Variants in SGCE observed in about 807,000 individuals in gnomAD.
SGCE encodes sarcoglycan epsilon.
Under a neutral mutation model 57.8 loss-of-function variants are expected in SGCE, and 26 were observed. The observed-to-expected ratio is 0.45, with a 90% CI of 0.33 to 0.62. The LOEUF (loss-of-function observed/expected upper bound fraction) is 0.62. Among genes scored for constraint, SGCE ranks in the 20% least tolerant of loss-of-function variants. The pLI is 0.02. For synonymous variants in SGCE, 183 were observed against 189.5 expected (o/e 0.97, Z 0.28); for missense variants, 468 against 548.6 (o/e 0.85, Z 1.47).
chr7:94,596,170 T>C (rs535548908), intron 9 of SGCE, among the ~76,000 whole-genome samples: 1 of 152,232 alleles, frequency 6.6e-6, no homozygotes, highest in East Asian at 1.9e-4. Flanking sequence ...AATGACAGTC[T>C]TGATGGGGTT....
chr7:94,635,704 G>C (rs1449171665), intron 1 of SGCE, among the ~76,000 whole-genome samples: 1 of 152,126 alleles, frequency 6.6e-6, no homozygotes, highest in Non-Finnish European at 1.5e-5. Context: ...ATTAAGCCAG[G>C]TAATTGCTGT....
chr7:94,631,325 A>G (rs1328946897), intron 1 of SGCE, among the ~76,000 whole-genome samples: 3 of 151,674 alleles, frequency 2.0e-5, no homozygotes, highest in Non-Finnish European at 4.4e-5. Flanking sequence ...GTTTGATACC[A>G]CAATGTACCC....
intron 5 of SGCE, among the ~76,000 whole-genome samples, chr7:94,615,805 G>T (rs957489904): frequency 1.3e-5 from 2 of 152,186 alleles, no homozygotes; most frequent in African/African-American, 4.8e-5. Context: ...GTGGTTGGCA[G>T]CCATGACATG....
At chr7:94,650,735 T>G (rs1008991443) in intron 1 of SGCE, among the ~76,000 whole-genome samples, 3 of 152,220 alleles carry the variant, frequency 2.0e-5, no homozygotes, top group African/African-American at 7.2e-5. Flanking sequence ...AAGTTGATTG[T>G]TTTGTTGAGC....
At chr7:94,652,907 A>T (rs1469565213) in intron 1 of SGCE, among the ~76,000 whole-genome samples, 1 of 152,196 alleles carries the variant, frequency 6.6e-6, no homozygotes, top group East Asian at 1.9e-4. Context: ...AGGTGTCCAA[A>T]TAGAAAGTCC....
intron 9 of SGCE, among the ~76,000 whole-genome samples, chr7:94,595,908 GTAATT>G (rs989483561): frequency 3.9e-5 from 6 of 152,206 alleles, no homozygotes; most frequent in Admixed American, 3.3e-4. Context: ...GACACCGAAT[GTAATT>G]TAATTTTCCT....
Position 94,585,346 on chromosome 7 carries a change from A to C in SGCE, c.*153T>G. ...ACAAAAAAATACATTAGTAAAATGA[A>C]AGTTATGTTGTATTATTTGGTATAC... On this transcript the variant is annotated 3_prime_UTR_variant, in exon 11 of 11. Coordinates refer to ENST00000648936, the MANE Select transcript of SGCE (RefSeq NM_003919.3). The C allele has an allele frequency of 1.7e-6, 1 of 600,320 alleles. No homozygotes were observed. Among genetic ancestry groups the C allele is most frequent in the Non-Finnish European group, 2.9e-6 (1 of 341,116 alleles). The allele number at this position is 600,320 out of a possible 1,614,324, so 37.2% of individuals were successfully genotyped here. A position where few individuals can be genotyped will look rare whatever the true frequency, so the allele number is the denominator to read the frequency against.
intron 8 of SGCE, 79 bp downstream of exon 8, chr7:94,599,616 GAC>G (rs1320664588): frequency 2.6e-5 from 27 of 1,051,446 alleles, no homozygotes; most frequent in South Asian, 4.0e-5. Flanking sequence ...AAAAAAGCTT[GAC>G]ACACATGTAT....
chr7:94,588,089 A>G, intron 10 of SGCE: 1 of 1,229,588 alleles, frequency 8.1e-7, no homozygotes, highest in Non-Finnish European at 1.0e-6. Flanking sequence ...TACTCAGTAT[A>G]GAGATGAATG....
chr7:94,600,430 A>G, intron 7 of SGCE: 1 of 517,362 alleles, frequency 1.9e-6, no homozygotes, highest in Admixed American at 3.4e-5. Context: ...AGCCTTAATA[A>G]TTTTTGAATA....
At chr7:94,655,133 T>C (rs998279205) in intron 1 of SGCE, among the ~76,000 whole-genome samples, 1 of 152,248 alleles carries the variant, frequency 6.6e-6, no homozygotes, top group Admixed American at 6.5e-5. Flanking sequence ...TTGCCGTGAC[T>C]AAACGCATTC....
At chr7:94,603,860 A>C (rs555541269) in intron 5 of SGCE, among the ~76,000 whole-genome samples, 3 of 152,276 alleles carry the variant, frequency 2.0e-5, no homozygotes, top group Non-Finnish European at 4.4e-5. Flanking sequence ...ATAAATAACT[A>C]AGTAATACAT....
chr7:94,632,969 A>G (rs1164722190), intron 1 of SGCE, among the ~76,000 whole-genome samples: 2 of 152,062 alleles, frequency 1.3e-5, no homozygotes, highest in Admixed American at 6.6e-5. Flanking sequence ...CCATAAGCTT[A>G]AAGCATGTTG....
chr7:94,598,638 A>T lies in SGCE; in HGVS notation c.1253+137T>A, dbSNP rs1358107214. 7 of 749,252 alleles carry T rather than the reference A, an allele frequency of 9.3e-6. No individual in the cohort carries two copies. In the Admixed American group the frequency reaches 1.3e-4, roughly 14 times the overall value. 46.4% of individuals were successfully genotyped at this position (749,252 alleles called of 1,614,324 possible). ...TATATTTCAGGAGAGTAGGGGTGAGATTTACACAATGTCCTTTTGTTATTT... is the reference window on the plus strand; with the variant it reads ...TATATTTCAGGAGAGTAGGGGTGAGTTTTACACAATGTCCTTTTGTTATTT... On this transcript the variant is annotated intron_variant, in intron 9 of 10. Coordinates refer to ENST00000648936, the MANE Select transcript of SGCE (RefSeq NM_003919.3).
At chr7:94,592,942 T>C (rs1043546900) in intron 9 of SGCE, among the ~76,000 whole-genome samples, 2 of 152,176 alleles carry the variant, frequency 1.3e-5, no homozygotes, top group Non-Finnish European at 2.9e-5. Flanking sequence ...GAAATAGTTA[T>C]ATATTTTTGG....
intron 1 of SGCE, among the ~76,000 whole-genome samples, chr7:94,649,711 C>T (rs1246338987): frequency 6.6e-6 from 1 of 152,206 alleles, no homozygotes; most frequent in Non-Finnish European, 1.5e-5. Context: ...AGTTGTTCAA[C>T]ATTAGAAATA....
intron 10 of SGCE, 138 bp from the exon 11 acceptor site, chr7:94,585,653 C>A (rs1796792840): frequency 3.0e-6 from 2 of 664,424 alleles, no homozygotes; most frequent in South Asian, 2.0e-5. Flanking sequence ...TGCATTATTT[C>A]TCTGTATTTG....
intron 4 of SGCE, chr7:94,622,025 T>G (rs1253041084): frequency 7.6e-6 from 1 of 132,160 alleles, no homozygotes; most frequent in African/African-American, 3.1e-5. Context: ...TAAGGGGGTT[T>G]AAGTGTTCAA....
At chr7:94,609,236 T>C (rs1800629798) in intron 5 of SGCE, among the ~76,000 whole-genome samples, 1 of 152,172 alleles carries the variant, frequency 6.6e-6, no homozygotes, top group African/African-American at 2.4e-5. Context: ...CAATTAAAAA[T>C]GGGCCAGAGG....
Sources: gnomAD v4.1 joint callset for allele counts (sites outside exome capture counted in the v4.1 genomes callset) on GRCh38, gnomAD v4.1.1 for gene constraint, MANE v1.5 for transcripts, NCBI Gene and HGNC (gene_info 2026-07-23, HGNC 2026-07-21) for gene names.